Variants in VWA3B observed in about 807,000 individuals in gnomAD.
VWA3B encodes the protein von Willebrand factor A domain containing 3B.
Under a neutral mutation model 158.3 loss-of-function variants are expected in VWA3B, and 138 were observed. That is an observed-to-expected ratio of 0.87 (90% CI 0.76 to 1.00). The LOEUF is 1.00. Among genes scored for constraint, VWA3B ranks in the 50% least tolerant of loss-of-function variants. The probability of loss-of-function intolerance (pLI) is 0.00; values close to 1 mark genes in which losing one functional copy is unlikely to be tolerated. For missense variants in VWA3B, 1,555 were observed against 1,565.1 expected, an observed-to-expected ratio of 0.99 and a Z score of 0.11; for synonymous variants, 596 against 587.3, an observed-to-expected ratio of 1.01 and a Z score of -0.21.
intron 6 of VWA3B, 100 bp from the exon 7 acceptor site, chr2:98,133,724 C>T (rs963775741): frequency 6.5e-6 from 6 of 917,292 alleles, no homozygotes; most frequent in Admixed American, 5.5e-5. Context: ...GATGAAGATG[C>T]CCAGTGCTGC....
chr2:98,120,636 C>T (rs1238963209), intron 4 of VWA3B, among the ~76,000 whole-genome samples: 1 of 152,180 alleles, frequency 6.6e-6, no homozygotes, highest in Non-Finnish European at 1.5e-5. Context: ...GCCATGGGGG[C>T]AATCGGGCCA....
chr2:98,285,714 T>G (rs976551242), intron 22 of VWA3B, among the ~76,000 whole-genome samples: 30 of 151,812 alleles, frequency 2.0e-4, no homozygotes, highest in South Asian at 1.2e-3. Flanking sequence ...CAACATTTTT[T>G]GGGGGGTCAT....
At chr2:98,227,612 T>C (rs1400813333) in intron 14 of VWA3B, among the ~76,000 whole-genome samples, 7 of 152,224 alleles carry the variant, frequency 4.6e-5, no homozygotes. Context: ...AATCTTAAAA[T>C]AATTATATAA....
At chr2:98,179,277 T>C (rs190365207) in intron 8 of VWA3B, 32 of 471,112 alleles carry the variant, frequency 6.8e-5, no homozygotes, top group African/African-American at 6.4e-4. Context: ...TCTGGAAAAA[T>C]AGTTTTCTGC....
chr2:98,218,842 T>A (rs916702833), intron 14 of VWA3B, among the ~76,000 whole-genome samples: 2 of 152,190 alleles, frequency 1.3e-5, no homozygotes, highest in Admixed American at 1.3e-4. Context: ...GAGGGACCAG[T>A]GCTTTAAGCT....
intron 10 of VWA3B, among the ~76,000 whole-genome samples, chr2:98,189,133 G>A (rs1681368598): frequency 1.3e-5 from 2 of 152,132 alleles, no homozygotes; most frequent in African/African-American, 4.8e-5. Flanking sequence ...TTTAGGCTGG[G>A]CGCAGTGATT....
chr2:98,166,285 A>G (rs1318450272), intron 8 of VWA3B, among the ~76,000 whole-genome samples: 1 of 152,192 alleles, frequency 6.6e-6, no homozygotes, highest in African/African-American at 2.4e-5. Flanking sequence ...GGCAGTGAGC[A>G]GAGATTGCCC....
chr2:98,276,085 A>G (rs1688504386), intron 22 of VWA3B, among the ~76,000 whole-genome samples: 1 of 152,200 alleles, frequency 6.6e-6, no homozygotes, highest in Non-Finnish European at 1.5e-5. Context: ...CTTGTCTGTT[A>G]GGGGAACGCC....
chr2:98,276,125 C>T (rs965805404), intron 22 of VWA3B, among the ~76,000 whole-genome samples: 5 of 152,136 alleles, frequency 3.3e-5, no homozygotes, highest in African/African-American at 1.2e-4. Context: ...CCCTAGGTAA[C>T]GGGGAGAGGT....
intron 7 of VWA3B, among the ~76,000 whole-genome samples, chr2:98,137,207 G>GT (rs1409458816): frequency 6.6e-6 from 1 of 152,126 alleles, no homozygotes; most frequent in African/African-American, 2.4e-5. Flanking sequence ...TATTTTTAAT[G>GT]TTTTTTCCAG....
chr2:98,117,654 T>C (rs990228589), intron 3 of VWA3B, among the ~76,000 whole-genome samples: 2 of 152,126 alleles, frequency 1.3e-5, no homozygotes, highest in Admixed American at 6.5e-5. Context: ...AGCCAGGCCA[T>C]TCAGCCCTTG....
the VWA3B span, among the ~76,000 whole-genome samples, chr2:98,321,303 G>A: frequency 1.3e-5 from 2 of 152,194 alleles, no homozygotes; most frequent in African/African-American, 4.8e-5. Flanking sequence ...GAAGGAAAAT[G>A]TGGGGTCAGA....
chr2:98,271,097 T>C (rs988345096), intron 22 of VWA3B, among the ~76,000 whole-genome samples: 3 of 146,978 alleles, frequency 2.0e-5, no homozygotes, highest in Non-Finnish European at 3.0e-5. Context: ...ACAATACGTC[T>C]TTTAATTGAA....
At chr2:98,142,541 G>C (rs985918480) in intron 7 of VWA3B, among the ~76,000 whole-genome samples, 7 of 152,130 alleles carry the variant, frequency 4.6e-5, no homozygotes, top group Non-Finnish European at 1.0e-4. Flanking sequence ...GCCTCCCTGG[G>C]GGCAAGTTTG....
intron 2 of VWA3B, among the ~76,000 whole-genome samples, chr2:98,114,935 T>C (rs1674410900): frequency 6.6e-6 from 1 of 152,088 alleles, no homozygotes; most frequent in Admixed American, 6.5e-5. Flanking sequence ...AAGGAGAAAA[T>C]CTTGTAGTTC....
chr2:98,139,733 C>T (rs1443008883), intron 7 of VWA3B, among the ~76,000 whole-genome samples: 1 of 152,054 alleles, frequency 6.6e-6, no homozygotes, highest in Non-Finnish European at 1.5e-5. Context: ...GTAAACGCAC[C>T]AATCAGCGCC....
chr2:98,197,744 TGCA>T (rs1682176038), intron 12 of VWA3B, among the ~76,000 whole-genome samples: 2 of 152,184 alleles, frequency 1.3e-5, no homozygotes, highest in African/African-American at 4.8e-5. Flanking sequence ...TATTTAAATA[TGCA>T]TCCACCTTTT....
At chr2:98,178,822 G>A (rs571809980) in intron 8 of VWA3B, among the ~76,000 whole-genome samples, 6 of 152,284 alleles carry the variant, frequency 3.9e-5, no homozygotes, top group Admixed American at 2.0e-4. Flanking sequence ...CACTGTGAAA[G>A]GTTGAGAGCC....
intron 5 of VWA3B, among the ~76,000 whole-genome samples, chr2:98,121,759 G>A (rs1347735779): frequency 6.6e-6 from 1 of 152,122 alleles, no homozygotes; most frequent in Non-Finnish European, 1.5e-5. Context: ...CGAGCACCGA[G>A]AAGGGACAGG....
Sources: allele counts gnomAD v4.1 joint callset (sites outside exome capture counted in the v4.1 genomes callset), GRCh38; gene constraint gnomAD v4.1.1; transcripts MANE v1.5; gene names NCBI Gene and HGNC (gene_info 2026-07-23, HGNC 2026-07-21).